Variants in CDH8 observed in about 807,000 individuals in gnomAD.
CDH8 encodes cadherin-8.
A neutral mutation model predicts 68.1 loss-of-function variants in CDH8; 17 were observed. That is an observed-to-expected ratio of 0.25 (90% CI 0.17 to 0.37). CDH8 has a LOEUF of 0.37. CDH8 is among the 10% of genes least tolerant of loss of function. CDH8 has a pLI of 1.00. For missense variants in CDH8, 763 were observed against 999.3 expected (o/e 0.76, Z 3.19); for synonymous variants, 372 against 365.1 (o/e 1.02, Z -0.21).
At chr16:61,983,846 A>G (rs1009720704) in intron 2 of CDH8, among the ~76,000 whole-genome samples, 2 of 151,004 alleles carry the variant, frequency 1.3e-5, no homozygotes, top group African/African-American at 4.9e-5. Context: ...CTATGTCTTC[A>G]CATGGCAAGG....
intron 9 of CDH8, among the ~76,000 whole-genome samples, chr16:61,714,518 A>T (rs1188446816): frequency 6.6e-6 from 1 of 151,664 alleles, no homozygotes; most frequent in Non-Finnish European, 1.5e-5. Context: ...TAACACATGC[A>T]AACAATGCTT....
chr16:61,918,295 A>T (rs375271986), intron 2 of CDH8: 1 of 153,746 alleles, frequency 6.5e-6, no homozygotes, highest in African/African-American at 2.4e-5. Flanking sequence ...TAGCCTGGAG[A>T]GGTGATCAGG....
At chr16:61,878,962 C>G (rs1963514557) in intron 3 of CDH8, among the ~76,000 whole-genome samples, 1 of 152,080 alleles carries the variant, frequency 6.6e-6, no homozygotes, top group Non-Finnish European at 1.5e-5. Flanking sequence ...TTACAACAGG[C>G]TATTTTAAGC....
intron 4 of CDH8, among the ~76,000 whole-genome samples, chr16:61,846,700 C>A (rs1290324835): frequency 1.3e-5 from 2 of 152,132 alleles, no homozygotes; most frequent in East Asian, 3.9e-4. Context: ...GACCATAATA[C>A]CCACTTCACA....
intron 4 of CDH8, among the ~76,000 whole-genome samples, chr16:61,845,992 CT>C (rs1962798960): frequency 1.3e-5 from 2 of 152,046 alleles, no homozygotes; most frequent in South Asian, 4.1e-4. Context: ...GGTACTTAAA[CT>C]CAAAATTACT....
chr16:61,652,962 C>T lies in CDH8; in HGVS notation c.*646G>A, dbSNP rs1328747379. 3 of 1,516,860 alleles carry T rather than the reference C, an allele frequency of 2.0e-6. No homozygotes were observed. The highest frequency in any genetic ancestry group is 1.4e-5 in the African/African-American group (1 of 72,382). The allele number at this position is 1,516,860 out of a possible 1,614,324, so 94.0% of individuals were successfully genotyped here. A position where few individuals can be genotyped will look rare whatever the true frequency, so the allele number is the denominator to read the frequency against. On this transcript the variant is annotated 3_prime_UTR_variant, in exon 12 of 12. Transcript: ENST00000577390. ...CCACCACTGAATTGGCAAGCCCCACCCTGGAATGGATTACGAACATGTGAA... is the reference window on the plus strand; with the variant it reads ...CCACCACTGAATTGGCAAGCCCCACTCTGGAATGGATTACGAACATGTGAA...
At chr16:61,815,558 C>CTGGCTGTACCA (rs1425055620) in intron 7 of CDH8, among the ~76,000 whole-genome samples, 11 of 152,296 alleles carry the variant, frequency 7.2e-5, no homozygotes, top group South Asian at 2.1e-4. Context: ...TCCATTCCCA[C>CTGGCTGTACCA]TGGTACCATG....
chr16:61,683,182 T>C (rs1010547621), intron 10 of CDH8, among the ~76,000 whole-genome samples: 1 of 152,134 alleles, frequency 6.6e-6, no homozygotes, highest in Non-Finnish European at 1.5e-5. Context: ...AACATATTTG[T>C]TTTTTACTGC....
intron 3 of CDH8, among the ~76,000 whole-genome samples, chr16:61,882,832 T>A (rs1963602258): frequency 6.6e-6 from 1 of 152,184 alleles, no homozygotes; most frequent in South Asian, 2.1e-4. Flanking sequence ...GCCACACATT[T>A]ACCTATGTAA....
chr16:61,878,652 CCTA>C (rs1200762394), intron 3 of CDH8, among the ~76,000 whole-genome samples: 1 of 152,030 alleles, frequency 6.6e-6, no homozygotes, highest in Non-Finnish European at 1.5e-5. Context: ...TTACTGAACA[CCTA>C]CTTTATGCAA....
chr16:61,809,217 CAAAA>C (rs1204922286), intron 7 of CDH8, among the ~76,000 whole-genome samples: 2 of 150,694 alleles, frequency 1.3e-5, no homozygotes, highest in African/African-American at 4.9e-5. Flanking sequence ...TAAAAAAAAA[CAAAA>C]AAAGTAACAG....
At chr16:61,706,384 G>A (rs1357928168) in intron 10 of CDH8, among the ~76,000 whole-genome samples, 2 of 152,058 alleles carry the variant, frequency 1.3e-5, no homozygotes, top group Admixed American at 1.3e-4. Context: ...TTGGGAGGCC[G>A]AGGCGGGCGG....
intron 8 of CDH8, among the ~76,000 whole-genome samples, chr16:61,735,438 G>A (rs1289740729): frequency 6.6e-6 from 1 of 152,100 alleles, no homozygotes; most frequent in Non-Finnish European, 1.5e-5. Context: ...ATCAGCTCAA[G>A]AAGGTTAAGT....
At chr16:62,026,914 T>A (rs772711973) in intron 1 of CDH8, among the ~76,000 whole-genome samples, 1 of 152,220 alleles carries the variant, frequency 6.6e-6, no homozygotes, top group South Asian at 2.1e-4. Context: ...TATGTCAGTG[T>A]TATCAGTATT....
At chr16:61,984,998 G>T (rs1670103113) in intron 2 of CDH8, among the ~76,000 whole-genome samples, 2 of 152,098 alleles carry the variant, frequency 1.3e-5, no homozygotes, top group South Asian at 4.2e-4. Flanking sequence ...TTAAATCCAG[G>T]TATAATATCT....
chr16:61,744,438 T>G (rs1320485237), intron 8 of CDH8, among the ~76,000 whole-genome samples: 1 of 152,084 alleles, frequency 6.6e-6, no homozygotes, highest in African/African-American at 2.4e-5. Context: ...AGATCTTGTT[T>G]CAATCATCTC....
At position 61,811,015 on chromosome 16, in the gene CDH8, C is replaced by T. The variant is rs192537109; in HGVS notation, c.1277+6464G>A. Reference sequence around the variant, plus strand: ...CTCCAGCCTGGGTGACAGAGTGAGACTCTGTCTCAAAAAAAAAAAAAAAAA... The same window carrying T: ...CTCCAGCCTGGGTGACAGAGTGAGATTCTGTCTCAAAAAAAAAAAAAAAAA... On this transcript the variant is annotated intron_variant, in intron 7 of 11. Transcript: ENST00000577390. Among the ~76,000 whole-genome samples the T allele has an allele frequency of 3.3e-4, 41 of 123,030 alleles. No homozygotes were observed. The East Asian group carries it at 8.1e-3, about 24-fold the overall frequency. The allele number at this position is 123,030 out of a possible 152,430, so 80.7% of individuals were successfully genotyped here.
At chr16:61,823,420 T>A (rs1311600090) in intron 5 of CDH8, among the ~76,000 whole-genome samples, 1 of 151,942 alleles carries the variant, frequency 6.6e-6, no homozygotes, top group Non-Finnish European at 1.5e-5. Context: ...ATCATTTATC[T>A]TCCTCAACTG....
intron 7 of CDH8, among the ~76,000 whole-genome samples, chr16:61,795,177 T>TAA (rs34435571): frequency 2.0e-5 from 3 of 150,668 alleles, no homozygotes; most frequent in African/African-American, 7.3e-5. Context: ...AGAAAATACT[T>TAA]AAAAAAAAAG....
Sources: gnomAD v4.1 joint callset for allele counts (sites outside exome capture counted in the v4.1 genomes callset) on GRCh38, gnomAD v4.1.1 for gene constraint, MANE v1.5 for transcripts, NCBI Gene and HGNC (gene_info 2026-07-23, HGNC 2026-07-21) for gene names.